The following SORCS3 variants were observed in gnomAD, a reference collection of about 807,000 sequenced individuals.
The protein encoded by SORCS3 is VPS10 domain-containing receptor SorCS3.
In SORCS3, 57 loss-of-function variants were observed where a neutral mutation model predicts 146.3. That is an observed-to-expected ratio of 0.39 (90% CI 0.31 to 0.49). The LOEUF is 0.49. Ranked by LOEUF, SORCS3 falls within the 20% of genes least tolerant of loss-of-function variation. SORCS3 has a pLI of 0.92. For synonymous variants in SORCS3, 653 were observed against 618.5 expected (o/e 1.06, Z -0.83); for missense variants, 1,341 against 1,575.5 (o/e 0.85, Z 2.52).
At chr10:104,710,705 A>T (rs1235609067) in intron 1 of SORCS3, among the ~76,000 whole-genome samples, 1 of 148,712 alleles carries the variant, frequency 6.7e-6, no homozygotes, top group African/African-American at 2.5e-5. Context: ...AATTGTCCTG[A>T]ACTGAATATT....
At chr10:105,072,263 C>T (rs1483596286) in intron 5 of SORCS3, among the ~76,000 whole-genome samples, 3 of 152,052 alleles carry the variant, frequency 2.0e-5, no homozygotes, top group African/African-American at 4.8e-5. Context: ...CAACTTGCTG[C>T]CTCATCTTCT....
intron 1 of SORCS3, among the ~76,000 whole-genome samples, chr10:104,803,416 C>T (rs969821529): frequency 5.9e-5 from 9 of 152,120 alleles, no homozygotes; most frequent in Admixed American, 4.6e-4. Flanking sequence ...TCAGGAGCTG[C>T]CTGTAGGGGA....
intron 1 of SORCS3, among the ~76,000 whole-genome samples, chr10:104,714,518 G>A (rs1333312362): frequency 3.9e-5 from 6 of 152,118 alleles, no homozygotes; most frequent in Non-Finnish European, 5.9e-5. Flanking sequence ...AAGTTATTTA[G>A]AAATGTGTTG....
At chr10:104,787,118 C>T (rs768869699) in intron 1 of SORCS3, among the ~76,000 whole-genome samples, 1 of 152,136 alleles carries the variant, frequency 6.6e-6, no homozygotes, top group Non-Finnish European at 1.5e-5. Context: ...ATGCAAGGAG[C>T]AGGAGCACAC....
chr10:104,786,108 A>G (rs761817718), intron 1 of SORCS3, among the ~76,000 whole-genome samples: 12 of 152,136 alleles, frequency 7.9e-5, no homozygotes, highest in Non-Finnish European at 1.6e-4. Context: ...AACACAATGA[A>G]TTACTACTTT....
At chr10:105,191,612 G>A (rs76884205) in intron 14 of SORCS3, among the ~76,000 whole-genome samples, 1,648 of 152,270 alleles carry the variant, frequency 0.011, 8 homozygotes, top group Middle Eastern at 0.044. Context: ...AACCTTTTGG[G>A]AACCAGGGAC....
At chr10:104,801,960 T>G (rs979567372) in intron 1 of SORCS3, among the ~76,000 whole-genome samples, 2 of 152,178 alleles carry the variant, frequency 1.3e-5, no homozygotes, top group African/African-American at 2.4e-5. Flanking sequence ...GGAATTGTAT[T>G]CTCTGAGACC....
At chr10:104,642,022 G>GGGGGGGGGGGC in intron 1 of SORCS3, 68 bp downstream of exon 1, 1 of 173,336 alleles carries the variant, frequency 5.8e-6, no homozygotes, top group Non-Finnish European at 1.1e-5. Context: ...GGGTGGGTGG[G>GGGGGGGGGGGC]AGCGAGGGAC....
chr10:105,120,746 A>AT (rs1307290500), intron 7 of SORCS3, among the ~76,000 whole-genome samples: 1 of 152,192 alleles, frequency 6.6e-6, no homozygotes, highest in African/African-American at 2.4e-5. Flanking sequence ...TAAAGTAACT[A>AT]TTTGCCTTTA....
chr10:105,144,884 A>G (rs776508671), intron 8 of SORCS3, among the ~76,000 whole-genome samples: 1 of 152,094 alleles, frequency 6.6e-6, no homozygotes, highest in Non-Finnish European at 1.5e-5. Context: ...TTGAAGACTG[A>G]ATGTTCTAGT....
At chr10:105,018,356 C>A (rs1177553485) in intron 4 of SORCS3, among the ~76,000 whole-genome samples, 1 of 152,178 alleles carries the variant, frequency 6.6e-6, no homozygotes, top group African/African-American at 2.4e-5. Flanking sequence ...GTGGCATGCC[C>A]ACCCTAAACT....
chr10:105,242,844 TTATA>T (rs1203604094), intron 20 of SORCS3, among the ~76,000 whole-genome samples: 1 of 104,758 alleles, frequency 9.5e-6, no homozygotes, highest in Non-Finnish European at 1.7e-5. Flanking sequence ...ATATATATTT[TTATA>T]TATAAATTAT....
intron 7 of SORCS3, among the ~76,000 whole-genome samples, chr10:105,134,519 G>A (rs1468476557): frequency 6.8e-5 from 10 of 147,730 alleles, no homozygotes; most frequent in Non-Finnish European, 1.2e-4. Flanking sequence ...TGAATACTGA[G>A]TCTTTACATG....
intron 14 of SORCS3, among the ~76,000 whole-genome samples, chr10:105,198,092 T>A (rs557133210): frequency 1.3e-5 from 2 of 152,338 alleles, no homozygotes; most frequent in East Asian, 3.9e-4. Context: ...TGACAGACCC[T>A]GTTCAAATGC....
At chr10:105,006,037 G>T (rs1332868555) in intron 4 of SORCS3, among the ~76,000 whole-genome samples, 4 of 152,148 alleles carry the variant, frequency 2.6e-5, no homozygotes, top group African/African-American at 9.7e-5. Context: ...CGTCCCTTGG[G>T]TTCAAGCGAT....
At chr10:105,228,862 G>A (rs1012579691) in intron 20 of SORCS3, among the ~76,000 whole-genome samples, 1 of 152,062 alleles carries the variant, frequency 6.6e-6, no homozygotes, top group African/African-American at 2.4e-5. Flanking sequence ...TGGAACTATC[G>A]GAGCCTTCTG....
chr10:105,042,378 T>C (rs930023177), intron 4 of SORCS3, among the ~76,000 whole-genome samples: 4 of 152,210 alleles, frequency 2.6e-5, no homozygotes, highest in African/African-American at 9.6e-5. Flanking sequence ...GGTAGAATTA[T>C]TATTATTATC....
At chr10:104,765,317 C>G (rs2017166842) in intron 1 of SORCS3, among the ~76,000 whole-genome samples, 1 of 152,180 alleles carries the variant, frequency 6.6e-6, no homozygotes, top group African/African-American at 2.4e-5. Flanking sequence ...TAGAAACAAA[C>G]AAATACCAAC....
chr10:104,678,300 G>C (rs905376414), intron 1 of SORCS3, among the ~76,000 whole-genome samples: 2 of 152,152 alleles, frequency 1.3e-5, no homozygotes, highest in Non-Finnish European at 2.9e-5. Flanking sequence ...CTTATAGAGA[G>C]TTCAGAGCTG....
Sources: gnomAD v4.1 joint callset for allele counts (sites outside exome capture counted in the v4.1 genomes callset) on GRCh38, gnomAD v4.1.1 for gene constraint, MANE v1.5 for transcripts, NCBI Gene and HGNC (gene_info 2026-07-23, HGNC 2026-07-21) for gene names.